PSD2: variants seen among roughly 807,000 people sequenced by gnomAD.
The protein encoded by PSD2 is PH and SEC7 domain-containing protein 2.
In PSD2, 38 loss-of-function variants were observed where a neutral mutation model predicts 69.8. The ratio of observed to expected loss-of-function variants is 0.54; its 90% CI spans 0.42 to 0.71. PSD2 has a LOEUF of 0.71. PSD2 is among the 30% of genes least tolerant of loss of function. PSD2 has a pLI of 0.00. For missense variants in PSD2, 943 were observed against 1,014.5 expected (o/e 0.93, Z 0.96); for synonymous variants, 412 against 423.0 (o/e 0.97, Z 0.32).
the PSD2 span, among the ~76,000 whole-genome samples, chr5:139,746,766 C>G: frequency 1.3e-5 from 2 of 152,210 alleles, no homozygotes; most frequent in Admixed American, 1.3e-4. This position sits in a 1 kb window ranked among gnomAD's most constrained non-coding sequence, Gnocchi z 4.5. Flanking sequence ...CCCAACCCCG[C>G]CATTCCCTTC....
chr5:139,799,366 G>C (rs1340221991), intron 1 of PSD2, among the ~76,000 whole-genome samples: 1 of 152,182 alleles, frequency 6.6e-6, no homozygotes, highest in Admixed American at 6.5e-5. Flanking sequence ...GGTTGGGAGT[G>C]GGGGAGCCAC....
At chr5:139,781,045 A>G in the PSD2 span, among the ~76,000 whole-genome samples, 1 of 152,204 alleles carries the variant, frequency 6.6e-6, no homozygotes, top group East Asian at 1.9e-4. Context: ...GCCTCTTTTC[A>G]GCTTCTGATG....
chr5:139,817,475 T>C lies in PSD2; in HGVS notation c.1017-6T>C, dbSNP rs1416817659. 6.2e-7 allele frequency: 1 copy of C among 1,613,448 alleles called. No homozygotes were observed. Among genetic ancestry groups the C allele is most frequent in the African/African-American group, 1.3e-5 (1 of 74,912 alleles). ...TTCTAACAGACATCCCATACTCTCC[T>C]GGCAGCAACGAGTTTAGCAGGCTGG... On this transcript the variant is annotated splice_region_variant and splice_polypyrimidine_tract_variant and intron_variant, in intron 4 of 14. Transcript: ENST00000274710.
At chr5:139,775,616 C>G in the PSD2 span, 3 of 152,432 alleles carry the variant, frequency 2.0e-5, no homozygotes, top group Non-Finnish European at 4.4e-5. Context: ...GTGCCCCACC[C>G]TAAATGAACT....
intron 1 of PSD2, among the ~76,000 whole-genome samples, chr5:139,806,375 C>T (rs1759807207): frequency 6.6e-6 from 1 of 152,228 alleles, no homozygotes; most frequent in Non-Finnish European, 1.5e-5. Context: ...TCCTGGGAAA[C>T]TGGGGGCTCA....
intron 3 of PSD2, 137 bp downstream of exon 3, chr5:139,813,895 TC>T: frequency 1.3e-6 from 1 of 782,270 alleles, no homozygotes; most frequent in Non-Finnish European, 2.0e-6. Context: ...ACCCTCTGCA[TC>T]CAGGCTTCCC....
At chr5:139,773,381 G>A in the PSD2 span, among the ~76,000 whole-genome samples, 1 of 152,066 alleles carries the variant, frequency 6.6e-6, no homozygotes, top group African/African-American at 2.4e-5. Context: ...TCCTGCCTCA[G>A]CCTCTTGATA....
At position 139,835,877 on chromosome 5, in the gene PSD2, A is replaced by G. The variant is rs369047466; in HGVS notation, c.1403+111A>G. 1.3e-5 allele frequency: 13 copies of G among 1,016,902 alleles called. No individual in the cohort carries two copies. The African/African-American group carries it at 1.9e-4, about 15-fold the overall frequency. 63.0% of individuals were successfully genotyped at this position (1,016,902 alleles called of 1,614,324 possible). Reference sequence around the variant, plus strand: ...CTCTCCATGGTGCTGATCCCTCCCAATCCAGGGCCTGATACCTGTGTCTAG... The same window carrying G: ...CTCTCCATGGTGCTGATCCCTCCCAGTCCAGGGCCTGATACCTGTGTCTAG... On this transcript the variant is annotated intron_variant, in intron 9 of 14. Coordinates refer to ENST00000274710, the MANE Select transcript of PSD2 (RefSeq NM_032289.4).
chr5:139,780,502 G>A, the PSD2 span, among the ~76,000 whole-genome samples: 1 of 152,022 alleles, frequency 6.6e-6, no homozygotes, highest in African/African-American at 2.4e-5. Flanking sequence ...GGAGTGCAGT[G>A]GCGTGATCTT....
chr5:139,814,394 TG>T lies in PSD2; in HGVS notation c.1016+33del. 1 of 1,550,630 alleles carries T rather than the reference TG, an allele frequency of 6.4e-7. No individual in the cohort carries two copies. ...GTGTGAGCTCCCCTGCCCCCAACCC[TG>T]GGCAAACCTCGTGTCTTCCTCAACC... On this transcript the variant is annotated intron_variant, in intron 4 of 14. Coordinates refer to ENST00000274710, the MANE Select transcript of PSD2 (RefSeq NM_032289.4). This position sits in a 1 kb window ranked among gnomAD's most constrained non-coding sequence, Gnocchi z 4.4.
At chr5:139,790,741 C>T in the PSD2 span, among the ~76,000 whole-genome samples, 1 of 152,126 alleles carries the variant, frequency 6.6e-6, no homozygotes, top group African/African-American at 2.4e-5. Context: ...CATGTACAAA[C>T]TTTAGAAAAT....
At chr5:139,806,637 A>C (rs1447490199) in intron 1 of PSD2, among the ~76,000 whole-genome samples, 1 of 152,150 alleles carries the variant, frequency 6.6e-6, no homozygotes, top group African/African-American at 2.4e-5. Context: ...CTGGGGGAGA[A>C]CAGAGGTGAT....
chr5:139,778,945 C>CAAAAAAAAAAAAAAAAAAA, the PSD2 span, among the ~76,000 whole-genome samples: 28 of 99,490 alleles, frequency 2.8e-4, no homozygotes, highest in Admixed American at 3.2e-4. Flanking sequence ...AGAAAAAAAA[C>CAAAAAAAAAAAAAAAAAAA]AAAAAAAAAA....
chr5:139,832,554 C>G (rs1311551606), intron 7 of PSD2, among the ~76,000 whole-genome samples: 2 of 152,198 alleles, frequency 1.3e-5, no homozygotes, highest in Middle Eastern at 3.2e-3. Context: ...GGAATCCTCT[C>G]CTTGGAGACA....
At chr5:139,838,582 G>A (rs377353379) in intron 12 of PSD2, 46 bp from the exon 13 acceptor site, 12 of 1,592,898 alleles carry the variant, frequency 7.5e-6, no homozygotes, top group Non-Finnish European at 1.0e-5. Context: ...AGGGGACAGG[G>A]AGTCCTGTGT....
At position 139,809,583 on chromosome 5, in the gene PSD2, A is replaced by G. The variant is rs1389539191; in HGVS notation, c.143A>G (p.His48Arg). Residue 48 changes from histidine to arginine, a missense_variant, in exon 2 of 15, where the codon CAC (histidine) becomes CGC (arginine). By Grantham distance (29) the His-to-Arg change is conservative. This residue lies in a region of PSD2 where 466 missense variants were observed against 445.0 expected (regional missense o/e 1.05). Coordinates refer to ENST00000274710, the MANE Select transcript of PSD2 (RefSeq NM_032289.4). ...AACAGCAGCCTCTGCAGCCCAGGGC[A>G]CGAGCGAAGGGGCACCCCAGCGGAC... is the stretch of plus-strand genomic sequence containing the variant. ...GLNSSLCSPG[H>R]ERRGTPADTE... 1.9e-6 allele frequency: 3 copies of G among 1,614,082 alleles called. No homozygotes were observed. In the African/African-American group the frequency reaches 4.0e-5, roughly 22 times the overall value.
chr5:139,772,995 A>G, the PSD2 span: 1 of 152,228 alleles, frequency 6.6e-6, no homozygotes, highest in African/African-American at 2.4e-5. Context: ...CAGGATTGAA[A>G]AAGCAAAGAA....
rs1408860891 is a variant in PSD2, at chr5:139,842,549, C to G, written c.*75C>G. On this transcript the variant is annotated 3_prime_UTR_variant, in exon 15 of 15. Transcript: ENST00000274710. ...CAGTGAGCACAATTCCAGCCAGGGG[C>G]CACTTGGACCAAGCTCCAGTCAGTT... 2.2e-6 allele frequency: 3 copies of G among 1,340,994 alleles called. No individual in the cohort carries two copies. Among genetic ancestry groups the G allele is most frequent in the Non-Finnish European group, 3.2e-6 (3 of 948,570 alleles). 83.1% of individuals were successfully genotyped at this position (1,340,994 alleles called of 1,614,324 possible). A position where few individuals can be genotyped will look rare whatever the true frequency, so the allele number is the denominator to read the frequency against.
Position 139,813,490 on chromosome 5 carries a change from C to T in PSD2, c.553C>T (p.Gln185Ter). The T allele has an allele frequency of 6.2e-7, 1 of 1,613,358 alleles. No homozygotes were observed. Among genetic ancestry groups the T allele is most frequent in the Non-Finnish European group, 8.5e-7 (1 of 1,179,472 alleles). ...CGAGGCCCCCCTCACACCCCTCATC[C>T]AGCAGCGGGCCCGTGACAGCCCTGA... Reference protein sequence around the residue: ...SFEAPLTPLIQQRARDSPEPG... With the variant: ...SFEAPLTPLI The change falls in exon 3 of 15, where the codon CAG becomes TAG. Residue 185 changes from glutamine to a stop codon, truncating the protein, a stop_gained. Transcript: ENST00000274710. LOFTEE classifies it high-confidence loss of function.
Sources: allele counts gnomAD v4.1 joint callset (sites outside exome capture counted in the v4.1 genomes callset), GRCh38; gene constraint gnomAD v4.1.1; regional missense constraint gnomAD v4.1.1; non-coding constraint Gnocchi (gnomAD v3.1); transcripts MANE v1.5; gene names NCBI Gene and HGNC (gene_info 2026-07-23, HGNC 2026-07-21).